Variants in MAN2A1 observed in about 807,000 individuals in gnomAD.
MAN2A1 encodes mannosidase alpha class 2A member 1, also known as alpha-mannosidase 2.
A neutral mutation model predicts 142.6 loss-of-function variants in MAN2A1; 76 were observed. The ratio of observed to expected loss-of-function variants is 0.53; its 90% CI spans 0.44 to 0.65. The LOEUF (loss-of-function observed/expected upper bound fraction) is 0.65, where lower values mean the gene tolerates loss of function less well. Among genes scored for constraint, MAN2A1 ranks in the 30% least tolerant of loss-of-function variants. The pLI, the probability that MAN2A1 is intolerant of heterozygous loss-of-function variation, is 0.00. For synonymous variants in MAN2A1, 559 were observed against 473.2 expected (o/e 1.18, Z -2.35); for missense variants, 1,311 against 1,365.1 (o/e 0.96, Z 0.62).
At chr5:109,818,286 G>A (rs916413827) in intron 13 of MAN2A1, among the ~76,000 whole-genome samples, 3 of 152,056 alleles carry the variant, frequency 2.0e-5, no homozygotes, top group African/African-American at 4.8e-5. Context: ...TTACAGGCAT[G>A]TGCCACCACG....
At position 109,817,312 on chromosome 5, in the gene MAN2A1, C is replaced by A. The variant is rs1237571632; in HGVS notation, c.1983C>A (p.Ile661=). 1 of 1,613,992 alleles carries A rather than the reference C, an allele frequency of 6.2e-7. No individual in the cohort carries two copies. Among genetic ancestry groups the A allele is most frequent in the African/African-American group, 1.3e-5 (1 of 74,906 alleles). Residue 661 remains isoleucine (I), a synonymous_variant, in exon 13 of 22, where the codon ATC becomes ATA. Coordinates refer to ENST00000261483, the MANE Select transcript of MAN2A1 (RefSeq NM_002372.4). ...ATAATCCTTTAGAACAAGACCGAAT[C>A]TCGTTGGTCTCAGTCTATGTGAGTT... ...VVYNPLEQDR[I]SLVSVYVSSP... is the part of the protein sequence containing the mutation.
At chr5:109,823,510 A>G (rs929230843) in intron 15 of MAN2A1, among the ~76,000 whole-genome samples, 2 of 152,206 alleles carry the variant, frequency 1.3e-5, no homozygotes, top group Non-Finnish European at 2.9e-5. Flanking sequence ...AGTTGTAAAC[A>G]TTTTTATTTC....
chr5:109,761,352 T>C (rs1249565149), intron 5 of MAN2A1, among the ~76,000 whole-genome samples: 1 of 151,894 alleles, frequency 6.6e-6, no homozygotes, highest in Non-Finnish European at 1.5e-5. Context: ...TCATATTATA[T>C]AGTATTTTTA....
rs1177037617 is a variant in MAN2A1 at position 109,823,769 on chromosome 5, G to T, written c.2498G>T (p.Arg833Met). 1.9e-6 allele frequency: 3 copies of T among 1,609,232 alleles called. No individual in the cohort carries two copies. The African/African-American group carries it at 4.0e-5, about 22-fold the overall frequency. Residue 833 changes from arginine to methionine, a missense_variant, in exon 16 of 22, where the codon AGG (arginine) becomes ATG (methionine). Arg to Met is a moderately conservative substitution (Grantham distance 91). Transcript: ENST00000261483. ...CCCTTTGTCAGAGTGACACATGGAA[G>T]GATTTATTCGGAAGTGACTTGCTTT... ...TPPFVRVTHGRIYSEVTCFFD... is the reference protein window; with the variant it reads ...TPPFVRVTHGMIYSEVTCFFD...
intron 4 of MAN2A1, among the ~76,000 whole-genome samples, chr5:109,746,132 A>T (rs1172497235): frequency 6.6e-6 from 1 of 151,940 alleles, no homozygotes; most frequent in Non-Finnish European, 1.5e-5. Flanking sequence ...GTGCCGCCAC[A>T]CCCAGCTAAT....
At chr5:109,805,640 C>T (rs1262351385) in intron 12 of MAN2A1, among the ~76,000 whole-genome samples, 2 of 152,164 alleles carry the variant, frequency 1.3e-5, no homozygotes, top group Non-Finnish European at 2.9e-5. Context: ...AGCCCCATCT[C>T]TGTCACTAAC....
intron 12 of MAN2A1, among the ~76,000 whole-genome samples, chr5:109,796,687 A>G (rs193055557): frequency 2.6e-4 from 39 of 152,344 alleles, no homozygotes; most frequent in Non-Finnish European, 4.6e-4. Context: ...TGTTGAAGAA[A>G]GAAGCCTTCC....
intron 1 of MAN2A1, among the ~76,000 whole-genome samples, chr5:109,707,371 C>A (rs10041721): frequency 0.034 from 5,149 of 152,124 alleles, 275 homozygotes; most frequent in African/African-American, 0.12. Context: ...ATGTTACATG[C>A]CATTTTTCTT....
chr5:109,805,689 T>C (rs1408714648), intron 12 of MAN2A1, among the ~76,000 whole-genome samples: 1 of 152,202 alleles, frequency 6.6e-6, no homozygotes, highest in Non-Finnish European at 1.5e-5. Context: ...ATTTGCTCTC[T>C]ATATTTGGCG....
At chr5:109,788,499 C>T (rs956308230) in intron 10 of MAN2A1, among the ~76,000 whole-genome samples, 3 of 151,810 alleles carry the variant, frequency 2.0e-5, no homozygotes, top group Admixed American at 6.6e-5. Flanking sequence ...TGGGGTATGA[C>T]TTGTATACGA....
At chr5:109,748,500 C>T (rs952427910) in intron 4 of MAN2A1, among the ~76,000 whole-genome samples, 2 of 151,462 alleles carry the variant, frequency 1.3e-5, no homozygotes, top group Admixed American at 6.6e-5. Context: ...GTGATTCCTG[C>T]GCTCATGGTA....
intron 5 of MAN2A1, among the ~76,000 whole-genome samples, chr5:109,766,897 G>A (rs918815278): frequency 5.9e-5 from 9 of 151,976 alleles, no homozygotes; most frequent in East Asian, 3.9e-4. Flanking sequence ...TCTTTAGTCA[G>A]TAGTTCACAT....
At chr5:109,696,181 A>G (rs562112950) in intron 1 of MAN2A1, among the ~76,000 whole-genome samples, 20 of 151,912 alleles carry the variant, frequency 1.3e-4, no homozygotes, top group Non-Finnish European at 2.6e-4. Flanking sequence ...GCTCACTGCA[A>G]TCTCCACCTC....
At chr5:109,782,068 A>C (rs1753474058) in intron 9 of MAN2A1, among the ~76,000 whole-genome samples, 2 of 152,164 alleles carry the variant, frequency 1.3e-5, no homozygotes, top group African/African-American at 4.8e-5. Context: ...ATGTGGGAGA[A>C]CTTTAGACTA....
chr5:109,742,343 C>A (rs913062437), intron 4 of MAN2A1, among the ~76,000 whole-genome samples: 2 of 152,146 alleles, frequency 1.3e-5, no homozygotes, highest in African/African-American at 2.4e-5. Context: ...GATGAAGGTA[C>A]CATCAGTTAG....
chr5:109,692,512 A>G (rs1341499921), intron 1 of MAN2A1, among the ~76,000 whole-genome samples: 2 of 152,140 alleles, frequency 1.3e-5, no homozygotes, highest in Non-Finnish European at 2.9e-5. Flanking sequence ...CGTATCTTAC[A>G]GGGTAAAACT....
intron 16 of MAN2A1, among the ~76,000 whole-genome samples, chr5:109,839,396 A>T (rs1050633749): frequency 6.6e-6 from 1 of 152,004 alleles, no homozygotes; most frequent in South Asian, 2.1e-4. Flanking sequence ...CAACTTCCCA[A>T]TAGTGGTGGA....
intron 19 of MAN2A1, chr5:109,854,279 C>T (rs1755552671): frequency 6.6e-6 from 1 of 152,142 alleles, no homozygotes; most frequent in Non-Finnish European, 1.5e-5. Context: ...TAAGATTCTA[C>T]TCAGTCATTG....
intron 16 of MAN2A1, among the ~76,000 whole-genome samples, chr5:109,835,770 A>G (rs1296230880): frequency 2.0e-5 from 3 of 152,174 alleles, no homozygotes; most frequent in African/African-American, 7.2e-5. Context: ...TTCCTTGGAA[A>G]AGTATACTTT....
Sources: allele counts gnomAD v4.1 joint callset (sites outside exome capture counted in the v4.1 genomes callset), GRCh38; gene constraint gnomAD v4.1.1; transcripts MANE v1.5; gene names NCBI Gene and HGNC (gene_info 2026-07-23, HGNC 2026-07-21).